Variants in CSMD3 observed in about 807,000 individuals in gnomAD.
The protein encoded by CSMD3 is CUB and Sushi multiple domains 3.
In CSMD3, 177 loss-of-function variants were observed where a neutral mutation model predicts 435.2. The observed-to-expected ratio is 0.41, with a 90% CI of 0.36 to 0.46. CSMD3 has a LOEUF of 0.46. CSMD3 is among the 20% of genes least tolerant of loss of function. The pLI is 0.34. For synonymous variants in CSMD3, 1,656 were observed against 1,520.5 expected (o/e 1.09, Z -2.07); for missense variants, 4,265 against 4,504.6 (o/e 0.95, Z 1.52).
chr8:112,962,685 A>G (rs2084275415), intron 7 of CSMD3, among the ~76,000 whole-genome samples: 1 of 152,024 alleles, frequency 6.6e-6, no homozygotes, highest in Non-Finnish European at 1.5e-5. Flanking sequence ...AAATAAACAT[A>G]GATGGGTTCT....
intron 38 of CSMD3, among the ~76,000 whole-genome samples, chr8:112,373,469 T>TG (rs151142056): frequency 0.038 from 5,741 of 152,106 alleles, 353 homozygotes; most frequent in African/African-American, 0.13. Context: ...AGTACCCAGT[T>TG]GTTTAAGTAT....
chr8:112,991,350 G>A (rs183715782), intron 6 of CSMD3, among the ~76,000 whole-genome samples: 28 of 151,820 alleles, frequency 1.8e-4, no homozygotes, highest in African/African-American at 6.0e-4. Flanking sequence ...GATTTGGTGG[G>A]ACATCAGGAG....
At chr8:112,986,500 G>T (rs528991687) in intron 6 of CSMD3, among the ~76,000 whole-genome samples, 4 of 152,056 alleles carry the variant, frequency 2.6e-5, no homozygotes, top group East Asian at 1.9e-4. Flanking sequence ...CGGAAAGAAG[G>T]CAAGTTGAAT....
In CSMD3 at chr8:113,046,332, CAACAA is replaced by C. The variant is rs557492849; in HGVS notation, c.918-27158_918-27154del. 6.2e-3 allele frequency among the ~76,000 whole-genome samples: 932 copies of C among 149,528 alleles called. 76 individuals carry two copies. Among genetic ancestry groups the C allele is most frequent in the Non-Finnish European group, 7.9e-3 (523 of 66,310 alleles). ...TAAAAAAGAAAGAAACAAACAACAACAACAAAACAAAACAAAAAAAGCCTTATTTG... is the reference window on the plus strand; with the variant it reads ...TAAAAAAGAAAGAAACAAACAACAACAACAAAACAAAAAAAGCCTTATTTG... On this transcript the variant is annotated intron_variant, in intron 5 of 70. Transcript: ENST00000297405.
intron 4 of CSMD3, among the ~76,000 whole-genome samples, chr8:113,131,140 C>T (rs567003734): frequency 6.6e-6 from 1 of 152,168 alleles, no homozygotes; most frequent in African/African-American, 2.4e-5. Flanking sequence ...GGAAAATTTG[C>T]CAACTGACCA....
In CSMD3 at chr8:113,019,070, G is replaced by A. The variant is rs868150877; in HGVS notation, c.1027C>T (p.Gln343Ter). ...CAAAGGTATTCCATAAGTATACCTTGATAGGGAGCACTAAATCCACGGTAT... is the reference window on the plus strand; with the variant it reads ...CAAAGGTATTCCATAAGTATACCTTAATAGGGAGCACTAAATCCACGGTAT... ...HRYRGFSAPY[Q>*]GSSTLTHTTS... The change falls in exon 6 of 71, where the codon CAA (glutamine) becomes TAA (stop). Residue 343 changes from glutamine (Q) to a stop codon, truncating the protein, a stop_gained. Transcript: ENST00000297405. LOFTEE classifies it high-confidence loss of function. 6.3e-7 allele frequency: 1 copy of A among 1,592,658 alleles called. No individual in the cohort carries two copies.
chr8:113,133,963 A>C (rs1564351971), intron 4 of CSMD3, among the ~76,000 whole-genome samples: 1 of 152,190 alleles, frequency 6.6e-6, no homozygotes, highest in Non-Finnish European at 1.5e-5. Flanking sequence ...ATGGTTCTAA[A>C]GATCTGATTC....
At chr8:113,037,061 G>A (rs1404090285) in intron 5 of CSMD3, among the ~76,000 whole-genome samples, 4 of 152,084 alleles carry the variant, frequency 2.6e-5, no homozygotes, top group Admixed American at 2.6e-4. Context: ...ACTATGCAAT[G>A]AAGTAGAAAT....
chr8:113,189,398 AGT>A (rs542725477), intron 3 of CSMD3, among the ~76,000 whole-genome samples: 71 of 151,934 alleles, frequency 4.7e-4, no homozygotes, highest in African/African-American at 1.7e-3. Flanking sequence ...GGCTTTATTC[AGT>A]GAGCAAGCAT....
intron 63 of CSMD3, among the ~76,000 whole-genome samples, chr8:112,252,438 G>T (rs1427883647): frequency 6.6e-6 from 1 of 151,840 alleles, no homozygotes; most frequent in Non-Finnish European, 1.5e-5. Context: ...AGTCTCACAT[G>T]GATTCTTTCT....
chr8:112,345,707 A>G (rs555855532), intron 41 of CSMD3, among the ~76,000 whole-genome samples: 4 of 152,254 alleles, frequency 2.6e-5, no homozygotes, highest in South Asian at 4.1e-4. Context: ...AATTGCTAAG[A>G]GGGTTTTAAG....
intron 5 of CSMD3, among the ~76,000 whole-genome samples, chr8:113,019,608 T>C (rs1433136246): frequency 1.3e-5 from 2 of 150,672 alleles, no homozygotes; most frequent in Admixed American, 6.6e-5. Context: ...ATAACAGATA[T>C]TGAGCTGATG....
intron 3 of CSMD3, among the ~76,000 whole-genome samples, chr8:113,250,441 G>T (rs1489097254): frequency 6.6e-6 from 1 of 152,106 alleles, no homozygotes; most frequent in African/African-American, 2.4e-5. Flanking sequence ...AGCAGACCTT[G>T]TGGGCGGTTC....
chr8:113,174,024 AGAAGAGTCACTGAAAG>A (rs1398991680), intron 3 of CSMD3, 108 bp from the exon 4 acceptor site: 3 of 833,294 alleles, frequency 3.6e-6, no homozygotes, highest in Non-Finnish European at 5.9e-6. Context: ...ATTTCTTTGG[AGAAGAGTCACTGAAAG>A]GAACTGTCTT....
chr8:112,546,549 C>A (rs1291273374), intron 27 of CSMD3, among the ~76,000 whole-genome samples: 1 of 152,156 alleles, frequency 6.6e-6, no homozygotes, highest in Non-Finnish European at 1.5e-5. Flanking sequence ...GGAAGATTCT[C>A]AACAGAGAGG....
chr8:113,302,168 A>G (rs533748685), intron 2 of CSMD3, among the ~76,000 whole-genome samples: 18 of 146,974 alleles, frequency 1.2e-4, no homozygotes, highest in East Asian at 3.9e-4. Flanking sequence ...CCTGTTTTTG[A>G]TCTTGAAACA....
chr8:112,384,112 A>G (rs1349337675), intron 36 of CSMD3, among the ~76,000 whole-genome samples: 1 of 152,154 alleles, frequency 6.6e-6, no homozygotes, highest in Non-Finnish European at 1.5e-5. Flanking sequence ...ATACCTTTTT[A>G]AAACCAGGTT....
At chr8:112,284,970 A>G (rs1819030944) in intron 58 of CSMD3, among the ~76,000 whole-genome samples, 1 of 152,008 alleles carries the variant, frequency 6.6e-6, no homozygotes. Flanking sequence ...ATTTTTTATT[A>G]GTAGTTCTGT....
intron 67 of CSMD3, among the ~76,000 whole-genome samples, chr8:112,236,282 G>A (rs1813591297): frequency 6.6e-6 from 1 of 151,536 alleles, no homozygotes; most frequent in African/African-American, 2.4e-5. Flanking sequence ...TTTCATATTT[G>A]CAATATCAAA....
Sources: allele counts gnomAD v4.1 joint callset (sites outside exome capture counted in the v4.1 genomes callset), GRCh38; gene constraint gnomAD v4.1.1; transcripts MANE v1.5; gene names NCBI Gene and HGNC (gene_info 2026-07-23, HGNC 2026-07-21).